The following ATP10B variants were observed in gnomAD, a reference collection of about 807,000 sequenced individuals.
The protein encoded by ATP10B is ATPase phospholipid transporting 10B (putative).
In ATP10B, 122 loss-of-function variants were observed where a neutral mutation model predicts 141.2. The observed-to-expected ratio is 0.86, with a 90% CI of 0.75 to 1.00. The LOEUF is 1.00. Among genes scored for constraint, ATP10B ranks in the 50% least tolerant of loss-of-function variants. ATP10B has a pLI of 0.00. For missense variants in ATP10B, 1,876 were observed against 1,825.3 expected, an observed-to-expected ratio of 1.03 and a Z score of -0.51; for synonymous variants, 685 against 692.0, an observed-to-expected ratio of 0.99 and a Z score of 0.16.
At chr5:160,790,952 A>G (rs1207998947) in intron 1 of ATP10B, among the ~76,000 whole-genome samples, 4 of 152,140 alleles carry the variant, frequency 2.6e-5, no homozygotes, top group African/African-American at 9.7e-5. Flanking sequence ...AGGAGGAGAG[A>G]TCTAAAGTGA....
chr5:160,750,695 C>T (rs538297414), intron 2 of ATP10B, among the ~76,000 whole-genome samples: 13 of 152,288 alleles, frequency 8.5e-5, no homozygotes, highest in East Asian at 1.9e-4. Flanking sequence ...CTCCTTATTA[C>T]GGTCCAGATA....
At chr5:160,824,859 G>C (rs1228063293) in intron 1 of ATP10B, among the ~76,000 whole-genome samples, 2 of 152,130 alleles carry the variant, frequency 1.3e-5, no homozygotes. Flanking sequence ...GGGTGTCAAG[G>C]ATCTTTCTAG....
chr5:160,841,577 G>T (rs1323727280), intron 1 of ATP10B, among the ~76,000 whole-genome samples: 2 of 151,718 alleles, frequency 1.3e-5, no homozygotes, highest in African/African-American at 4.8e-5. Flanking sequence ...AAGATGGGAA[G>T]GAGAAAAATA....
intron 3 of ATP10B, among the ~76,000 whole-genome samples, chr5:160,709,548 T>C (rs1416716745): frequency 6.6e-6 from 1 of 152,082 alleles, no homozygotes; most frequent in Non-Finnish European, 1.5e-5. Flanking sequence ...CTAATTAAAG[T>C]TGAGATTTGG....
At chr5:160,926,171 G>A in the ATP10B span, among the ~76,000 whole-genome samples, 2 of 152,172 alleles carry the variant, frequency 1.3e-5, no homozygotes, top group African/African-American at 4.8e-5. Context: ...TAATCTACAT[G>A]AGATTATCCA....
intron 1 of ATP10B, among the ~76,000 whole-genome samples, chr5:160,836,756 C>T (rs1036432243): frequency 1.3e-5 from 2 of 152,034 alleles, no homozygotes; most frequent in African/African-American, 4.8e-5. Context: ...ATATTACACC[C>T]ATGCATAACC....
intron 2 of ATP10B, among the ~76,000 whole-genome samples, chr5:160,720,554 G>A (rs576522752): frequency 1.3e-4 from 20 of 152,336 alleles, no homozygotes; most frequent in African/African-American, 2.9e-4. Flanking sequence ...TCAATCAGGC[G>A]TTGGCCAAGA....
chr5:160,664,715 G>A (rs1157538432), intron 7 of ATP10B, among the ~76,000 whole-genome samples: 6 of 152,150 alleles, frequency 3.9e-5, no homozygotes, highest in Non-Finnish European at 5.9e-5. Flanking sequence ...ACTTGGCATA[G>A]CAAGTTCCCA....
chr5:160,894,519 GAACA>G, the ATP10B span, among the ~76,000 whole-genome samples: 2 of 151,866 alleles, frequency 1.3e-5, no homozygotes, highest in Non-Finnish European at 2.9e-5. Context: ...GAATGAGAAG[GAACA>G]AACAAAGCCT....
At chr5:160,703,258 T>A (rs999821119) in intron 3 of ATP10B, among the ~76,000 whole-genome samples, 2 of 152,144 alleles carry the variant, frequency 1.3e-5, no homozygotes, top group Non-Finnish European at 2.9e-5. Flanking sequence ...ATGAAGTGAA[T>A]GTTGCAATGA....
intron 1 of ATP10B, among the ~76,000 whole-genome samples, chr5:160,797,383 C>T (rs576943382): frequency 6.6e-6 from 1 of 152,304 alleles, no homozygotes; most frequent in Admixed American, 6.5e-5. Flanking sequence ...CCTCCACTCC[C>T]GAGACCACTA....
At chr5:160,923,659 G>A in the ATP10B span, among the ~76,000 whole-genome samples, 2 of 152,172 alleles carry the variant, frequency 1.3e-5, no homozygotes, top group African/African-American at 4.8e-5. Flanking sequence ...ATAACAGCCA[G>A]CTTGCATAAA....
In ATP10B at chr5:160,653,328, CATACGTACATACATACATAG is replaced by C. The variant is rs1561703739; in HGVS notation, c.676-4092_676-4073del. Among the ~76,000 whole-genome samples, 467 of 118,416 alleles carry C rather than the reference CATACGTACATACATACATAG, an allele frequency of 3.9e-3. 48 individuals carry two copies. The highest frequency in any genetic ancestry group is 0.013 in the African/African-American group (418 of 31,072). 77.7% of individuals were successfully genotyped at this position (118,416 alleles called of 152,430 possible). On this transcript the variant is annotated intron_variant, in intron 7 of 25. Coordinates refer to ENST00000327245, the MANE Select transcript of ATP10B (RefSeq NM_025153.3). Reference sequence around the variant, plus strand: ...CATACATACATAGGTAGTATATATACATACGTACATACATACATAGGTAGTATATATACATACGTACATAC... The same window carrying C: ...CATACATACATAGGTAGTATATATACGTAGTATATATACATACGTACATAC...
At chr5:160,925,108 A>T in the ATP10B span, among the ~76,000 whole-genome samples, 1 of 152,234 alleles carries the variant, frequency 6.6e-6, no homozygotes, top group Admixed American at 6.5e-5. Flanking sequence ...CTAAATTCCC[A>T]GTGGAGTTTA....
chr5:160,778,518 G>A (rs564250916), intron 2 of ATP10B, among the ~76,000 whole-genome samples: 4 of 152,268 alleles, frequency 2.6e-5, no homozygotes, highest in African/African-American at 7.2e-5. Flanking sequence ...GGCAGCAGAA[G>A]CATCCAACTC....
At chr5:160,761,401 C>A in intron 2 of ATP10B, among the ~76,000 whole-genome samples, 1 of 26,698 alleles carries the variant, frequency 3.7e-5, no homozygotes, top group Admixed American at 5.2e-4. Flanking sequence ...CCAGCACCAG[C>A]CTACATTCGC....
chr5:160,695,590 C>T (rs1764312545), intron 3 of ATP10B, among the ~76,000 whole-genome samples: 2 of 151,980 alleles, frequency 1.3e-5, no homozygotes. Context: ...TCTGTGGCTA[C>T]AGTAAACATG....
chr5:160,645,255 C>G (rs1252918970), intron 8 of ATP10B, among the ~76,000 whole-genome samples: 2 of 152,168 alleles, frequency 1.3e-5, no homozygotes, highest in Non-Finnish European at 2.9e-5. Flanking sequence ...TCTGGCCTTA[C>G]AAGGACTGGC....
At chr5:160,613,959 T>A (rs1757862958) in intron 17 of ATP10B, 1 of 152,118 alleles carries the variant, frequency 6.6e-6, no homozygotes, top group Admixed American at 6.6e-5. Flanking sequence ...GGCAAAGTGG[T>A]TACGTTGGAT....
Sources: gnomAD v4.1 joint callset for allele counts (sites outside exome capture counted in the v4.1 genomes callset) on GRCh38, gnomAD v4.1.1 for gene constraint, MANE v1.5 for transcripts, NCBI Gene and HGNC (gene_info 2026-07-23, HGNC 2026-07-21) for gene names.